Variants in ZBTB37 observed in about 807,000 individuals in gnomAD.
The protein encoded by ZBTB37 is zinc finger and BTB domain containing 37, also known as zinc finger and BTB domain-containing protein 37.
In ZBTB37, 15 loss-of-function variants were observed where a neutral mutation model predicts 37.7. The observed-to-expected ratio is 0.40, with a 90% CI of 0.27 to 0.61. The LOEUF (loss-of-function observed/expected upper bound fraction) is 0.61. Ranked by LOEUF, ZBTB37 falls within the 20% of genes least tolerant of loss-of-function variation. The probability of loss-of-function intolerance (pLI) is 0.44; values close to 1 mark genes in which losing one functional copy is unlikely to be tolerated. For synonymous variants in ZBTB37, 231 were observed against 220.6 expected, an observed-to-expected ratio of 1.05 and a Z score of -0.42; for missense variants, 514 against 641.9, an observed-to-expected ratio of 0.80 and a Z score of 2.15.
At position 173,870,148 on chromosome 1, in the gene ZBTB37, C is replaced by T. The variant is rs16846495; in HGVS notation, c.-29-49C>T. 7.2e-3 allele frequency: 8,998 copies of T among 1,252,170 alleles called. 55 individuals carry two copies. The highest frequency in any genetic ancestry group is 0.015 in the South Asian group (891 of 58,338). The allele number at this position is 1,252,170 out of a possible 1,614,324, so 77.6% of individuals were successfully genotyped here. On this transcript the variant is annotated intron_variant, in intron 2 of 4. Transcript: ENST00000427304. ...AAATACTTTTGAAATGGAAACCATCCGGGAAGTAAAATTATAATTATTAAT... is the reference window on the plus strand; with the variant it reads ...AAATACTTTTGAAATGGAAACCATCTGGGAAGTAAAATTATAATTATTAAT...
At chr1:173,871,061 C>G (rs1401464427) in exon 3 of ZBTB37, 1 of 1,614,214 alleles carries the variant, frequency 6.2e-7, no homozygotes, top group Non-Finnish European at 8.5e-7. Context: ...ATTGATACCA[C>G]AGGCCATGGT....
At chr1:173,885,072 A>G (rs527835082) in intron 4 of ZBTB37, among the ~76,000 whole-genome samples, 1 of 152,286 alleles carries the variant, frequency 6.6e-6, no homozygotes, top group East Asian at 1.9e-4. Context: ...CGTCTCTGCA[A>G]AAAGTACAAA....
At chr1:173,882,877 C>T (rs899339916) in intron 4 of ZBTB37, among the ~76,000 whole-genome samples, 1 of 152,114 alleles carries the variant, frequency 6.6e-6, no homozygotes, top group Admixed American at 6.6e-5. Context: ...TATTGTTACC[C>T]TCAAGATTAT....
exon 3 of ZBTB37, chr1:173,870,999 T>C (rs774352727): frequency 6.2e-7 from 1 of 1,614,212 alleles, no homozygotes; most frequent in South Asian, 1.1e-5. Flanking sequence ...GGCCTGAGAA[T>C]CAGCCTTCTG....
At chr1:173,894,748 T>C (rs1656978388) in exon 4 of ZBTB37, 1 of 152,204 alleles carries the variant, frequency 6.6e-6, no homozygotes, top group African/African-American at 2.4e-5. Context: ...ACCCTACCAC[T>C]TTATGGAAGG....
exon 4 of ZBTB37, chr1:173,892,251 T>C (rs932960457): frequency 6.6e-6 from 1 of 152,208 alleles, no homozygotes; most frequent in Non-Finnish European, 1.5e-5. Context: ...CTATTTGAGG[T>C]CTTGGTAATA....
At chr1:173,882,671 G>A (rs1361188299) in intron 4 of ZBTB37, among the ~76,000 whole-genome samples, 1 of 152,132 alleles carries the variant, frequency 6.6e-6, no homozygotes, top group Non-Finnish European at 1.5e-5. Context: ...TGCCCTGAAT[G>A]GTATTGCCTA....
At chr1:173,889,560 C>G (rs1441306783), downstream of ZBTB37, 4 of 152,190 alleles carry the variant, frequency 2.6e-5, no homozygotes, top group Non-Finnish European at 5.9e-5. Context: ...GTATATTAAT[C>G]TATTTTCATA....
At chr1:173,874,348 T>TG (rs940217889) in intron 4 of ZBTB37, among the ~76,000 whole-genome samples, 1 of 151,872 alleles carries the variant, frequency 6.6e-6, no homozygotes, top group African/African-American at 2.4e-5. Flanking sequence ...CTTTTTTTTT[T>TG]TTTTGAGACG....
exon 5 of ZBTB37, chr1:173,886,408 TAAC>T: frequency 2.5e-6 from 1 of 399,702 alleles, no homozygotes; most frequent in Non-Finnish European, 4.5e-6. Context: ...AAAGGTTTTT[TAAC>T]AAAACGATGA....
At chr1:173,900,808 T>G (rs1223096908) in exon 4 of ZBTB37, 1 of 152,244 alleles carries the variant, frequency 6.6e-6, no homozygotes, top group Non-Finnish European at 1.5e-5. Flanking sequence ...GAAAATTTGC[T>G]GAAGGCTTCC....
chr1:173,892,353 A>G (rs1332506617), exon 4 of ZBTB37: 1 of 151,808 alleles, frequency 6.6e-6, no homozygotes, highest in African/African-American at 2.4e-5. Context: ...CTTTTTTCGT[A>G]TTTTCTAGTC....
At chr1:173,881,463 T>C (rs1023474976) in intron 4 of ZBTB37, among the ~76,000 whole-genome samples, 25 of 152,228 alleles carry the variant, frequency 1.6e-4, no homozygotes, top group African/African-American at 5.8e-4. Context: ...CCTTTGGGTA[T>C]ATACCCAGTA....
chr1:173,870,864 G>C (rs1655509122), exon 3 of ZBTB37: 15 of 1,614,194 alleles, frequency 9.3e-6, no homozygotes, highest in Non-Finnish European at 1.3e-5. Flanking sequence ...CCATTCTTCG[G>C]ATCAACCGAG....
In ZBTB37 at chr1:173,870,739, G is replaced by A; in HGVS notation, c.514G>A (p.Gly172Arg). Residue 172 changes from glycine to arginine, a missense_variant, in exon 3 of 5, where the codon GGA becomes AGA. Around this residue, in one of 3 missense-constraint regions of ZBTB37, gnomAD observed 323 missense variants for 321.9 expected, o/e 1.00. Transcript: ENST00000427304. The stretch of plus-strand genomic sequence containing the variant: ...TAGCCCACGACATAATACCCCAAAG[G>A]GAAACCGGCGAGGTCAGGTTAGTGC... 3 of 1,614,162 alleles carry A rather than the reference G, an allele frequency of 1.9e-6. No homozygotes were observed. In the African/African-American group the frequency reaches 4.0e-5, roughly 22 times the overall value.
chr1:173,873,737 A>G (rs1374956361), intron 4 of ZBTB37, 171 bp downstream of exon 4: 28 of 1,176,942 alleles, frequency 2.4e-5, no homozygotes, highest in African/African-American at 3.2e-5. Flanking sequence ...AAAATTATAC[A>G]GAGACATCAC....
intron 4 of ZBTB37, among the ~76,000 whole-genome samples, chr1:173,881,772 C>T (rs575863033): frequency 5.9e-5 from 9 of 152,086 alleles, no homozygotes; most frequent in East Asian, 1.9e-4. Flanking sequence ...AGTGTCTGTT[C>T]GGCCGGGCGT....
chr1:173,886,193 G>A (rs930190914), exon 5 of ZBTB37: 30 of 1,474,248 alleles, frequency 2.0e-5, no homozygotes, highest in African/African-American at 1.6e-4. Flanking sequence ...AGAGCCATGG[G>A]CTGATACTTA....
chr1:173,885,976 G>A (rs1382130817), exon 5 of ZBTB37: 3 of 1,551,616 alleles, frequency 1.9e-6, no homozygotes, highest in African/African-American at 2.7e-5. Context: ...CACCCTGGCT[G>A]TATACCCCTG....
Sources: gnomAD v4.1 joint callset for allele counts (sites outside exome capture counted in the v4.1 genomes callset) on GRCh38, gnomAD v4.1.1 for gene constraint, gnomAD v4.1.1 regional missense constraint, MANE v1.5 for transcripts, NCBI Gene and HGNC (gene_info 2026-07-23, HGNC 2026-07-21) for gene names.